XRN1: variants seen among roughly 807,000 people sequenced by gnomAD.
The protein encoded by XRN1 is strand-exchange protein 1 homolog.
XRN1 carries 67 observed loss-of-function variants against 222.3 expected under a neutral mutation model. The ratio of observed to expected loss-of-function variants is 0.30; its 90% CI spans 0.25 to 0.37. XRN1 has a LOEUF of 0.37. Among genes scored for constraint, XRN1 ranks in the 10% least tolerant of loss-of-function variants. The pLI, the probability that XRN1 is intolerant of heterozygous loss-of-function variation, is 1.00. For missense variants in XRN1, 1,707 were observed against 2,000.2 expected, an observed-to-expected ratio of 0.85 and a Z score of 2.80; for synonymous variants, 643 against 652.4, an observed-to-expected ratio of 0.99 and a Z score of 0.22.
At chr3:142,399,483 A>G (rs1397586235) in intron 19 of XRN1, among the ~76,000 whole-genome samples, 4 of 152,166 alleles carry the variant, frequency 2.6e-5, no homozygotes, top group African/African-American at 9.6e-5. Flanking sequence ...AGGTAAACCT[A>G]TAAAACTTTT....
chr3:142,415,702 G>A (rs2108079821), intron 13 of XRN1, among the ~76,000 whole-genome samples: 1 of 152,290 alleles, frequency 6.6e-6, no homozygotes, highest in South Asian at 2.1e-4. Context: ...AAGGCTTTAT[G>A]TAGTAAGTGA....
At chr3:142,397,224 T>C in intron 20 of XRN1, 105 bp downstream of exon 20, 1 of 1,074,666 alleles carries the variant, frequency 9.3e-7, no homozygotes, top group South Asian at 2.8e-5. Context: ...AAGGTGTAAT[T>C]AGTATTCAGA....
intron 15 of XRN1, among the ~76,000 whole-genome samples, chr3:142,408,072 C>G: frequency 6.6e-6 from 1 of 152,236 alleles, no homozygotes; most frequent in East Asian, 1.9e-4. Context: ...TTCTAAAAGA[C>G]AGTTCACACA....
At position 142,405,170 on chromosome 3, in the gene XRN1, C is replaced by G. The variant is rs896240059; in HGVS notation, c.1714-94G>C. ...TCTTTTTCCTCCATATACAGAATAACCATTTGTGCTCTTGAAAAACAAAAA... is the reference window on the plus strand; with the variant it reads ...TCTTTTTCCTCCATATACAGAATAAGCATTTGTGCTCTTGAAAAACAAAAA... On this transcript the variant is annotated intron_variant, in intron 15 of 40. Coordinates refer to ENST00000392981, the MANE Select transcript of XRN1 (RefSeq NM_001282857.2). 1.7e-5 allele frequency: 22 copies of G among 1,270,772 alleles called. No individual in the cohort carries two copies. In the Admixed American group the frequency reaches 4.3e-4, roughly 25 times the overall value. 78.7% of individuals were successfully genotyped at this position (1,270,772 alleles called of 1,614,324 possible).
At chr3:142,345,022 T>A (rs965885696) in intron 33 of XRN1, among the ~76,000 whole-genome samples, 8 of 152,202 alleles carry the variant, frequency 5.3e-5, no homozygotes, top group African/African-American at 1.9e-4. Flanking sequence ...TAATCAAGAC[T>A]GTGTATTTCA....
At chr3:142,422,500 A>G (rs370603747) in intron 8 of XRN1, 82 bp downstream of exon 8, 21 of 1,417,514 alleles carry the variant, frequency 1.5e-5, no homozygotes, top group East Asian at 1.4e-4. Flanking sequence ...TGCATGCAAT[A>G]ATCTACTAAA....
At chr3:142,382,724 G>T (rs888039384) in intron 22 of XRN1, among the ~76,000 whole-genome samples, 8 of 151,960 alleles carry the variant, frequency 5.3e-5, no homozygotes, top group African/African-American at 1.9e-4. Context: ...AGGTGTCTTT[G>T]CTTCTTATTC....
chr3:142,411,919 T>G (rs1222780119), intron 15 of XRN1, among the ~76,000 whole-genome samples: 1 of 148,342 alleles, frequency 6.7e-6, no homozygotes, highest in African/African-American at 2.5e-5. Context: ...CCCCCGGGGG[T>G]TCACGCCATT....
At chr3:142,415,697 T>A (rs888120390) in intron 13 of XRN1, among the ~76,000 whole-genome samples, 2 of 152,194 alleles carry the variant, frequency 1.3e-5, no homozygotes, top group Non-Finnish European at 2.9e-5. Context: ...TTTCAAAGGC[T>A]TTATGTAGTA....
chr3:142,412,929 A>T (rs887094667), intron 14 of XRN1, among the ~76,000 whole-genome samples: 11 of 152,142 alleles, frequency 7.2e-5, no homozygotes, highest in African/African-American at 2.7e-4. Context: ...CATTCATTTT[A>T]AATTATTTTT....
Position 142,356,969 on chromosome 3 carries a change from G to C in XRN1, c.3615C>G (p.Ser1205=). 1 of 1,614,092 alleles carries C rather than the reference G, an allele frequency of 6.2e-7. No individual in the cohort carries two copies. Among genetic ancestry groups the C allele is most frequent in the Non-Finnish European group, 8.5e-7 (1 of 1,179,986 alleles). ...VHQHSSSSSV[S]SGHLGALNHS... is the part of the protein sequence containing the mutation. The stretch of plus-strand genomic sequence containing the variant: ...GGTTGAGGGCTCCCAAATGCCCAGA[G>C]GAAACTGATGAACTTGAGCTATGTT... The change falls in exon 31 of 41, where the codon TCC becomes TCG. Residue 1205 remains serine (S), a synonymous_variant. Coordinates refer to ENST00000392981, the MANE Select transcript of XRN1 (RefSeq NM_001282857.2).
chr3:142,323,284 T>G (rs574877193), intron 37 of XRN1, among the ~76,000 whole-genome samples: 123 of 145,980 alleles, frequency 8.4e-4, no homozygotes, highest in African/African-American at 2.8e-3. Flanking sequence ...ACTCTTAAGG[T>G]TTTTTTTTTG....
intron 12 of XRN1, chr3:142,417,926 T>A (rs1258053733): frequency 6.6e-6 from 1 of 152,240 alleles, no homozygotes; most frequent in East Asian, 1.9e-4. Context: ...ATCTGGACAA[T>A]GAAGAACAGC....
intron 20 of XRN1, among the ~76,000 whole-genome samples, chr3:142,385,955 T>G (rs147483724): frequency 4.3e-4 from 65 of 151,312 alleles, no homozygotes; most frequent in African/African-American, 1.5e-3. Flanking sequence ...TAGTATATAA[T>G]ATAGACTATA....
intron 5 of XRN1, among the ~76,000 whole-genome samples, chr3:142,424,161 T>C (rs1222354435): frequency 6.6e-6 from 1 of 152,118 alleles, no homozygotes. Context: ...TGGCGCGATC[T>C]TGGCTCACTG....
chr3:142,432,137 T>A (rs1334942430), intron 2 of XRN1, among the ~76,000 whole-genome samples: 2 of 115,938 alleles, frequency 1.7e-5, no homozygotes, highest in Non-Finnish European at 3.2e-5. Flanking sequence ...TTCATATATA[T>A]AAAATATATA....
chr3:142,348,952 G>GTTTTGTT (rs1559805237), intron 32 of XRN1, among the ~76,000 whole-genome samples: 1 of 151,304 alleles, frequency 6.6e-6, no homozygotes, highest in African/African-American at 2.4e-5. Flanking sequence ...AGGCTCTTCA[G>GTTTTGTT]TTTTGTTTTT....
chr3:142,386,954 G>A (rs1232324459), intron 20 of XRN1, among the ~76,000 whole-genome samples: 1 of 152,154 alleles, frequency 6.6e-6, no homozygotes, highest in African/African-American at 2.4e-5. Context: ...GTAGGCATAT[G>A]CTATGAAGCA....
chr3:142,440,277 C>T (rs1392426843), intron 1 of XRN1, among the ~76,000 whole-genome samples: 1 of 152,144 alleles, frequency 6.6e-6, no homozygotes, highest in Non-Finnish European at 1.5e-5. Flanking sequence ...GGGAACTTTA[C>T]TCTTTTCACA....
Sources: gnomAD v4.1 joint callset for allele counts (sites outside exome capture counted in the v4.1 genomes callset) on GRCh38, gnomAD v4.1.1 for gene constraint, MANE v1.5 for transcripts, NCBI Gene and HGNC (gene_info 2026-07-23, HGNC 2026-07-21) for gene names.